The following MGA variants were observed in gnomAD, a reference collection of about 807,000 sequenced individuals.
MGA encodes MAX dimerization protein MGA.
MGA carries 40 observed loss-of-function variants against 261.1 expected under a neutral mutation model. The observed-to-expected ratio is 0.15, with a 90% confidence interval of 0.12 to 0.20. The LOEUF is 0.20. MGA is among the 10% of genes least tolerant of loss of function. The probability of loss-of-function intolerance (pLI) is 1.00; values close to 1 mark genes in which losing one functional copy is unlikely to be tolerated. For missense variants in MGA, 3,397 were observed against 3,630.5 expected, an observed-to-expected ratio of 0.94 and a Z score of 1.65; for synonymous variants, 1,302 against 1,290.6, an observed-to-expected ratio of 1.01 and a Z score of -0.19.
intron 9 of MGA, chr15:41,718,561 TG>T: frequency 2.5e-6 from 1 of 407,850 alleles, no homozygotes; most frequent in Non-Finnish European, 4.7e-6. Context: ...TCCTGGTGTC[TG>T]GGCTTCTGCA....
chr15:41,749,750 C>G lies in MGA; in HGVS notation c.6143C>G (p.Ser2048Cys). 6.2e-7 allele frequency: 1 copy of G among 1,613,956 alleles called. No individual in the cohort carries two copies. The highest frequency in any genetic ancestry group is 8.5e-7 in the Non-Finnish European group (1 of 1,179,878). The change falls in exon 17 of 24, where the codon TCT becomes TGT. Residue 2048 changes from serine (S) to cysteine (C), a missense_variant. Physicochemically the swap from Ser to Cys is moderately radical, Grantham distance 112. Around this residue, in one of 9 missense-constraint regions of MGA, gnomAD observed 1,410 missense variants for 1,386.4 expected, o/e 1.02. Transcript: ENST00000219905. The stretch of plus-strand genomic sequence containing the variant: ...GAAGGTTGTGCAACTGTCAAACCAT[C>G]TGAGCATTCCTGTATCACTGGGTCA...
intron 12 of MGA, 26 bp downstream of exon 12, chr15:41,734,620 A>G (rs1460110694): frequency 2.0e-6 from 3 of 1,499,056 alleles, no homozygotes; most frequent in South Asian, 2.5e-5. Flanking sequence ...AGATCTTAAC[A>G]TTTGATAAAA....
At chr15:41,765,936 CAG>C in intron 23 of MGA, 66 bp from the exon 24 acceptor site, 1 of 1,286,128 alleles carries the variant, frequency 7.8e-7, no homozygotes, top group Non-Finnish European at 1.1e-6. Flanking sequence ...TATGATATGA[CAG>C]AGAGAAAGAG....
intron 2 of MGA, among the ~76,000 whole-genome samples, chr15:41,687,057 A>G (rs1412365046): frequency 1.3e-5 from 2 of 152,026 alleles, no homozygotes; most frequent in African/African-American, 4.8e-5. Context: ...TGTATTTGAT[A>G]GAATTTATCA....
At chr15:41,710,427 T>A (rs1240096877) in intron 7 of MGA, among the ~76,000 whole-genome samples, 1 of 152,196 alleles carries the variant, frequency 6.6e-6, no homozygotes, top group Non-Finnish European at 1.5e-5. Context: ...GTATTTATTT[T>A]AAAAAATTTA....
intron 14 of MGA, among the ~76,000 whole-genome samples, chr15:41,741,900 C>CG (rs1292432226): frequency 1.3e-5 from 2 of 151,480 alleles, no homozygotes; most frequent in Non-Finnish European, 2.9e-5. Context: ...TTAGTAGAGA[C>CG]GGGGTTTCAC....
chr15:41,761,137 A>G (rs1019552472), intron 20 of MGA, among the ~76,000 whole-genome samples: 1 of 152,224 alleles, frequency 6.6e-6, no homozygotes, highest in African/African-American at 2.4e-5. Context: ...CTGGTTAGCC[A>G]TGTTGACCAC....
chr15:41,699,708 G>A (rs1314579241), intron 5 of MGA, among the ~76,000 whole-genome samples: 2 of 152,112 alleles, frequency 1.3e-5, no homozygotes, highest in Admixed American at 1.3e-4. Flanking sequence ...CACCGTGTTA[G>A]CCAGGATGGT....
chr15:41,729,038 T>C (rs1687849941), intron 10 of MGA, 126 bp from the exon 11 acceptor site: 2 of 933,848 alleles, frequency 2.1e-6, no homozygotes, highest in African/African-American at 3.4e-5. Context: ...TGCTGTTTGA[T>C]TTGAAAGTTT....
intron 1 of MGA, among the ~76,000 whole-genome samples, chr15:41,629,468 G>C (rs1192973525): frequency 6.6e-6 from 1 of 152,092 alleles, no homozygotes; most frequent in Non-Finnish European, 1.5e-5. Context: ...GTCAAGATCA[G>C]GGTTGCGAAT....
intron 3 of MGA, among the ~76,000 whole-genome samples, chr15:41,697,830 C>T (rs539249902): frequency 6.6e-6 from 1 of 152,208 alleles, no homozygotes; most frequent in East Asian, 1.9e-4. Flanking sequence ...ACTCTTCAAC[C>T]AGATTATTTT....
chr15:41,755,564 C>CT (rs1315408575), intron 18 of MGA, among the ~76,000 whole-genome samples: 2 of 152,156 alleles, frequency 1.3e-5, no homozygotes, highest in Non-Finnish European at 2.9e-5. Context: ...AGAACATTCT[C>CT]TGACAAGCTG....
At chr15:41,722,726 T>C (rs1377563960) in intron 9 of MGA, among the ~76,000 whole-genome samples, 1 of 152,110 alleles carries the variant, frequency 6.6e-6, no homozygotes, top group African/African-American at 2.4e-5. Flanking sequence ...AGGAGCATGG[T>C]GTGTTAGTGT....
At position 41,736,568 on chromosome 15, in the gene MGA, A is replaced by T; in HGVS notation, c.4304A>T (p.Asp1435Val). The stretch of plus-strand genomic sequence containing the variant: ...GAGGATATCTCTCCTGTGCAGACAG[A>T]TGCCCTGGATTCAGTGAGGGAGAGA... The change falls in exon 13 of 24, where the codon GAT becomes GTT. Residue 1435 changes from aspartate (D) to valine (V), a missense_variant. Coordinates refer to ENST00000219905, the MANE Select transcript of MGA (RefSeq NM_001164273.2). The T allele has an allele frequency of 1.2e-6, 2 of 1,614,044 alleles. No individual in the cohort carries two copies. Among genetic ancestry groups the T allele is most frequent in the African/African-American group, 2.7e-5 (2 of 75,050 alleles).
chr15:41,724,653 C>A (rs540600936), intron 9 of MGA, among the ~76,000 whole-genome samples: 1 of 152,082 alleles, frequency 6.6e-6, no homozygotes, highest in Non-Finnish European at 1.5e-5. Context: ...CCAGTACACT[C>A]CAGCCTGGGT....
At chr15:41,626,120 A>T (rs187713968) in intron 1 of MGA, among the ~76,000 whole-genome samples, 93 of 152,306 alleles carry the variant, frequency 6.1e-4, no homozygotes, top group African/African-American at 2.1e-3. Context: ...ATACTTTCCT[A>T]GGTTTTAGAC....
chr15:41,625,259 A>T (rs2056420403), intron 1 of MGA, among the ~76,000 whole-genome samples: 1 of 152,174 alleles, frequency 6.6e-6, no homozygotes, highest in Non-Finnish European at 1.5e-5. Context: ...TGGCAGAAAC[A>T]TGATAAAGTT....
Position 41,750,866 on chromosome 15 carries a change from AGAG to A in MGA, c.7008+252_7008+254del, listed in dbSNP as rs2062791981. On this transcript the variant is annotated intron_variant, in intron 17 of 23. Transcript: ENST00000219905. ...TAAATATTTGGGGGATAGGTGCTTG[AGAG>A]TCCCTACCGAGTTAGATTTTTAAAA... 9 of 365,668 alleles carry A rather than the reference AGAG, an allele frequency of 2.5e-5. No homozygotes were observed. The South Asian group carries it at 4.8e-4, about 20-fold the overall frequency. 22.7% of individuals were successfully genotyped at this position (365,668 alleles called of 1,614,324 possible).
intron 2 of MGA, chr15:41,691,551 G>C (rs759032345): frequency 7.4e-6 from 3 of 405,944 alleles, no homozygotes; most frequent in Non-Finnish European, 1.6e-5. Flanking sequence ...CATCCTGATA[G>C]AATCTCTAGT....
Sources: allele counts gnomAD v4.1 joint callset (sites outside exome capture counted in the v4.1 genomes callset), GRCh38; gene constraint gnomAD v4.1.1; regional missense constraint gnomAD v4.1.1; transcripts MANE v1.5; gene names NCBI Gene and HGNC (gene_info 2026-07-23, HGNC 2026-07-21).